SOX5: variants seen among roughly 807,000 people sequenced by gnomAD.
The protein encoded by SOX5 is SRY-box transcription factor 5.
Under a neutral mutation model 92.0 loss-of-function variants are expected in SOX5, and 9 were observed. That is an observed-to-expected ratio of 0.10 (90% CI 0.06 to 0.17). The LOEUF is 0.17. Ranked by LOEUF, SOX5 falls within the 10% of genes least tolerant of loss-of-function variation. The pLI is 1.00. For missense variants in SOX5, 642 were observed against 944.5 expected, an observed-to-expected ratio of 0.68 and a Z score of 4.20; for synonymous variants, 344 against 336.3, an observed-to-expected ratio of 1.02 and a Z score of -0.25.
At chr12:24,115,038 T>C (rs944908673) in intron 4 of SOX5, among the ~76,000 whole-genome samples, 1 of 152,152 alleles carries the variant, frequency 6.6e-6, no homozygotes, top group Non-Finnish European at 1.5e-5. Flanking sequence ...ATTTCAAAGA[T>C]AGGCTTGAAG....
intron 4 of SOX5, among the ~76,000 whole-genome samples, chr12:24,118,032 AAAAAAAG>A (rs1259004545): frequency 1.3e-5 from 2 of 149,264 alleles, no homozygotes; most frequent in African/African-American, 5.1e-5. Flanking sequence ...AAAAAAAAAA[AAAAAAAG>A]AAAAAAAAAA....
intron 1 of SOX5, among the ~76,000 whole-genome samples, chr12:24,410,505 GTTTT>G: frequency 6.6e-6 from 1 of 152,240 alleles, no homozygotes; most frequent in Admixed American, 6.5e-5. Flanking sequence ...TAGGTCAAGG[GTTTT>G]TTTGTTTGTT....
chr12:23,864,279 G>A (rs1005847302), intron 2 of SOX5, among the ~76,000 whole-genome samples: 17 of 151,874 alleles, frequency 1.1e-4, no homozygotes, highest in African/African-American at 3.1e-4. Context: ...CCCTCTACTC[G>A]GGCGTCCCTA....
intron 3 of SOX5, among the ~76,000 whole-genome samples, chr12:23,799,580 A>C (rs1479391036): frequency 6.6e-6 from 1 of 152,114 alleles, no homozygotes; most frequent in Non-Finnish European, 1.5e-5. Flanking sequence ...CATTCTACAT[A>C]GGGAGGATTT....
chr12:24,409,755 G>A (rs1963720394), intron 1 of SOX5, among the ~76,000 whole-genome samples: 1 of 152,166 alleles, frequency 6.6e-6, no homozygotes, highest in Admixed American at 6.5e-5. Flanking sequence ...GATTAATGAT[G>A]TTGAACATCT....
At chr12:23,943,301 C>G (rs569272688) in intron 1 of SOX5, among the ~76,000 whole-genome samples, 1 of 152,030 alleles carries the variant, frequency 6.6e-6, no homozygotes, top group South Asian at 2.1e-4. Context: ...GAACTTTGAT[C>G]CTTAATGCAA....
intron 1 of SOX5, among the ~76,000 whole-genome samples, chr12:24,547,080 G>T (rs1468095591): frequency 1.3e-5 from 2 of 151,108 alleles, no homozygotes; most frequent in Non-Finnish European, 2.9e-5. Flanking sequence ...AATTATATTG[G>T]AACAATAGGA....
chr12:24,140,167 T>C (rs563034832), intron 4 of SOX5, among the ~76,000 whole-genome samples: 1 of 152,284 alleles, frequency 6.6e-6, no homozygotes, highest in South Asian at 2.1e-4. Context: ...GGATTAATAG[T>C]GTAGGTCAAT....
intron 4 of SOX5, among the ~76,000 whole-genome samples, chr12:24,013,319 AACTT>A (rs2136561152): frequency 6.6e-6 from 1 of 152,276 alleles, no homozygotes; most frequent in Non-Finnish European, 1.5e-5. Flanking sequence ...ATATTTACGA[AACTT>A]ACTTTCTTCA....
At chr12:24,535,392 T>C (rs1165832864) in intron 1 of SOX5, among the ~76,000 whole-genome samples, 1 of 152,208 alleles carries the variant, frequency 6.6e-6, no homozygotes, top group Non-Finnish European at 1.5e-5. Flanking sequence ...ATAAATTTGT[T>C]TGTTTTTAAT....
intron 3 of SOX5, among the ~76,000 whole-genome samples, chr12:23,827,408 T>G (rs935570864): frequency 2.6e-5 from 4 of 152,090 alleles, no homozygotes; most frequent in African/African-American, 7.2e-5. Context: ...AAGGATAAAG[T>G]TCAAGAAAAG....
intron 1 of SOX5, among the ~76,000 whole-genome samples, chr12:24,376,760 A>T (rs1957324536): frequency 8.4e-6 from 1 of 119,076 alleles, no homozygotes; most frequent in Non-Finnish European, 1.6e-5. Context: ...AGGCTGGAGT[A>T]TAGTGGTGCA....
chr12:24,403,932 ATAC>A (rs112385578), intron 1 of SOX5, among the ~76,000 whole-genome samples: 8,495 of 152,238 alleles, frequency 0.056, 791 homozygotes, highest in African/African-American at 0.19. Flanking sequence ...ATAGTGACAA[ATAC>A]TACAAGACTC....
chr12:24,368,243 C>T (rs937401449), intron 2 of SOX5: 9 of 152,080 alleles, frequency 5.9e-5, no homozygotes, highest in African/African-American at 2.2e-4. Flanking sequence ...GCTTTGGTGG[C>T]ATTTCTAGTC....
At chr12:23,842,232 A>C (rs986897334) in intron 3 of SOX5, among the ~76,000 whole-genome samples, 18 of 152,120 alleles carry the variant, frequency 1.2e-4, no homozygotes, top group Admixed American at 1.0e-3. Flanking sequence ...CTACATGTAT[A>C]CTAGAACTGA....
At position 24,030,785 on chromosome 12, in the gene SOX5, A is replaced by G. The variant is rs148276751; in HGVS notation, c.-1-134761T>C. The stretch of plus-strand genomic sequence containing the variant: ...ATGGAATGAGAGACAATATTTGCAA[A>G]TCCTATATCTGATAAGTGGTTAATA... On this transcript the variant is annotated intron_variant, in intron 4 of 4. Coordinates refer to the SOX5 transcript ENST00000446891. Among the ~76,000 whole-genome samples, 1,395 of 152,120 alleles carry G rather than the reference A, an allele frequency of 9.2e-3. 16 individuals are homozygous for G. The highest frequency in any genetic ancestry group is 0.032 in the South Asian group (156 of 4,834).
At chr12:24,106,791 AAATAATAATAATAATAAT>A (rs56341402) in intron 4 of SOX5, among the ~76,000 whole-genome samples, 2,028 of 137,466 alleles carry the variant, frequency 0.015, 33 homozygotes, top group African/African-American at 0.043. Context: ...GACTCGTCTC[AAATAATAATAATAATAAT>A]AATAATAATA....
chr12:24,553,281 G>A (rs1031651432), intron 1 of SOX5, among the ~76,000 whole-genome samples: 4 of 152,194 alleles, frequency 2.6e-5, no homozygotes, highest in Non-Finnish European at 4.4e-5. Flanking sequence ...AGATGGGCAA[G>A]TCACTTGACC....
intron 2 of SOX5, among the ~76,000 whole-genome samples, chr12:23,862,218 T>C (rs1277027301): frequency 3.3e-5 from 5 of 152,124 alleles, no homozygotes; most frequent in Non-Finnish European, 5.9e-5. Context: ...TCCAACAGCT[T>C]CATGTTTATT....
Sources: allele counts gnomAD v4.1 joint callset (sites outside exome capture counted in the v4.1 genomes callset), GRCh38; gene constraint gnomAD v4.1.1; transcripts MANE v1.5; gene names NCBI Gene and HGNC (gene_info 2026-07-23, HGNC 2026-07-21).